Variants in DLC1 observed in about 807,000 individuals in gnomAD.
The protein encoded by DLC1 is DLC1 Rho GTPase activating protein.
Under a neutral mutation model 140.3 loss-of-function variants are expected in DLC1, and 54 were observed. The observed-to-expected ratio is 0.38, with a 90% confidence interval of 0.31 to 0.48. DLC1 has a LOEUF of 0.48. DLC1 is among the 20% of genes least tolerant of loss of function. The pLI, the probability that DLC1 is intolerant of heterozygous loss-of-function variation, is 0.96. For missense variants in DLC1, 2,536 were observed against 1,907.0 expected (o/e 1.33, Z -6.14); for synonymous variants, 986 against 728.1 (o/e 1.35, Z -5.70).
At chr8:13,335,913 G>A (rs910900763) in intron 4 of DLC1, among the ~76,000 whole-genome samples, 1 of 141,868 alleles carries the variant, frequency 7.0e-6, no homozygotes, top group Non-Finnish European at 1.6e-5. Context: ...TGATTTTTTT[G>A]CAAGGAATAA....
intron 2 of DLC1, among the ~76,000 whole-genome samples, chr8:13,419,096 A>C (rs1388496503): frequency 6.6e-6 from 1 of 152,152 alleles, no homozygotes; most frequent in East Asian, 1.9e-4. Context: ...GTTGCTTATC[A>C]GCTTAAGGAG....
chr8:13,583,786 C>G lies in DLC1; in HGVS notation c.-126+20751G>C, dbSNP rs1223170028. 2.6e-5 allele frequency: 4 copies of G among 152,352 alleles called. No individual in the cohort carries two copies. The East Asian group carries it at 7.7e-4, about 29-fold the overall frequency. 9.4% of individuals were successfully genotyped at this position (152,352 alleles called of 1,614,324 possible). ...TGTCTTTGGAGATGGAGACTGTGCT[C>G]AATGCCTGAGGCTGCATGGTGAAAA... is the stretch of plus-strand genomic sequence containing the variant. On this transcript the variant is annotated intron_variant, in intron 1 of 1. Coordinates refer to the DLC1 transcript ENST00000631382.
chr8:13,266,937 C>G (rs1347559731), intron 5 of DLC1, among the ~76,000 whole-genome samples: 1 of 152,126 alleles, frequency 6.6e-6, no homozygotes, highest in Non-Finnish European at 1.5e-5. Context: ...GTTTACCAAC[C>G]CATTTGTCCA....
chr8:13,309,294 G>T (rs1033372035), intron 4 of DLC1, among the ~76,000 whole-genome samples: 1 of 152,064 alleles, frequency 6.6e-6, no homozygotes, highest in Non-Finnish European at 1.5e-5. Flanking sequence ...ACTTCCAAAT[G>T]AAAGGGGAGA....
At chr8:13,165,441 G>T (rs1426076595) in intron 5 of DLC1, among the ~76,000 whole-genome samples, 2 of 152,206 alleles carry the variant, frequency 1.3e-5, no homozygotes. Flanking sequence ...TTGTTGCATT[G>T]CTGGAGACAT....
chr8:13,359,662 A>C (rs1349754424), intron 4 of DLC1, among the ~76,000 whole-genome samples: 2 of 152,222 alleles, frequency 1.3e-5, no homozygotes, highest in Non-Finnish European at 2.9e-5. Flanking sequence ...CCAGTTACTG[A>C]AGAAATCTTG....
chr8:13,392,482 AT>A (rs1435932396), intron 4 of DLC1, among the ~76,000 whole-genome samples: 3 of 152,174 alleles, frequency 2.0e-5, no homozygotes, highest in Non-Finnish European at 4.4e-5. Context: ...CAAATCTGTC[AT>A]GTTTTAAAAT....
chr8:13,334,072 T>C (rs1220537894), intron 4 of DLC1, among the ~76,000 whole-genome samples: 3 of 152,030 alleles, frequency 2.0e-5, no homozygotes, highest in Non-Finnish European at 4.4e-5. Context: ...TAAGGCCATA[T>C]GGTGGAGAGC....
intron 1 of DLC1, among the ~76,000 whole-genome samples, chr8:13,582,349 G>A (rs906884985): frequency 6.6e-6 from 1 of 152,176 alleles, no homozygotes; most frequent in Admixed American, 6.5e-5. Flanking sequence ...ATCAAAGGAT[G>A]CAAAGTATTA....
At chr8:13,572,098 T>TTA (rs1554545680) in intron 1 of DLC1, among the ~76,000 whole-genome samples, 10 of 147,480 alleles carry the variant, frequency 6.8e-5, no homozygotes, top group African/African-American at 2.3e-4. Context: ...ATTATTTATT[T>TTA]TTTTTTTTTG....
chr8:13,434,965 C>CG (rs1426409203), intron 2 of DLC1, among the ~76,000 whole-genome samples: 2 of 151,954 alleles, frequency 1.3e-5, no homozygotes, highest in African/African-American at 4.8e-5. Context: ...CAGGCGTGAC[C>CG]CCCCCCGGCT....
intron 5 of DLC1, among the ~76,000 whole-genome samples, chr8:13,229,945 T>A (rs1828967815): frequency 1.3e-5 from 2 of 152,238 alleles, no homozygotes. Flanking sequence ...AAAGCTTTGA[T>A]GTTGTCAGAC....
intron 4 of DLC1, among the ~76,000 whole-genome samples, chr8:13,331,450 C>A (rs985217991): frequency 1.3e-5 from 2 of 152,104 alleles, no homozygotes; most frequent in Admixed American, 6.5e-5. Flanking sequence ...GAGTAAAGAA[C>A]TTCCAAGTTG....
chr8:13,109,355 A>C (rs981729282), intron 7 of DLC1, among the ~76,000 whole-genome samples: 1 of 151,634 alleles, frequency 6.6e-6, no homozygotes, highest in African/African-American at 2.4e-5. Context: ...CCAGGAGTTC[A>C]AGACCAGCCT....
chr8:13,389,320 A>C (rs537087174), intron 4 of DLC1, among the ~76,000 whole-genome samples: 23 of 152,166 alleles, frequency 1.5e-4, no homozygotes, highest in Middle Eastern at 3.4e-3. Context: ...ACCAGGAACA[A>C]CTCAAGCCAC....
chr8:13,255,414 A>T (rs1162617150), intron 5 of DLC1, among the ~76,000 whole-genome samples: 1 of 152,216 alleles, frequency 6.6e-6, no homozygotes, highest in Non-Finnish European at 1.5e-5. Flanking sequence ...CATAAATGAC[A>T]TTATTGTCAT....
intron 5 of DLC1, among the ~76,000 whole-genome samples, chr8:13,125,218 C>T (rs1218991529): frequency 1.3e-5 from 2 of 152,190 alleles, no homozygotes; most frequent in Non-Finnish European, 2.9e-5. Context: ...CTCAAGTGAG[C>T]CATCCGCCTT....
intron 1 of DLC1, among the ~76,000 whole-genome samples, chr8:13,598,924 AT>A (rs1333003399): frequency 1.3e-5 from 2 of 151,996 alleles, no homozygotes; most frequent in African/African-American, 4.8e-5. Context: ...AAATAAAAAA[AT>A]GAAATTGTAT....
intron 1 of DLC1, among the ~76,000 whole-genome samples, chr8:13,501,611 A>C (rs1003558185): frequency 2.0e-5 from 3 of 152,206 alleles, no homozygotes; most frequent in Non-Finnish European, 4.4e-5. Context: ...CTGACTAAGC[A>C]CATGCCTGAG....
Sources: allele counts gnomAD v4.1 joint callset (sites outside exome capture counted in the v4.1 genomes callset), GRCh38; gene constraint gnomAD v4.1.1; transcripts MANE v1.5; gene names NCBI Gene and HGNC (gene_info 2026-07-23, HGNC 2026-07-21).